Variants in MPLKIP observed in about 807,000 individuals in gnomAD.
MPLKIP encodes M-phase specific PLK1 interacting protein.
MPLKIP carries 16 observed loss-of-function variants against 16.9 expected under a neutral mutation model. The ratio of observed to expected loss-of-function variants is 0.94; its 90% confidence interval spans 0.64 to 1.43. The LOEUF is 1.43. Among genes scored for constraint, MPLKIP ranks in the 40% most tolerant of loss-of-function variants. The pLI is 0.00. For synonymous variants in MPLKIP, 126 were observed against 98.4 expected (o/e 1.28, Z -1.66); for missense variants, 282 against 237.6 (o/e 1.19, Z -1.23).
rs1787495697 is a variant in MPLKIP at position 40,133,238 on chromosome 7, G to A, written c.361C>T (p.Pro121Ser). ...TCTCTAACACGCCCTGATCCAAATG[G>A]TGTAGATGTCCTTGGAGAACCCTTT... is the stretch of plus-strand genomic sequence containing the variant. ...HPQGSPRTST[P>S]FGSGRVREKR... Residue 121 changes from proline (P) to serine (S), a missense_variant, in exon 2 of 2, where the codon CCA becomes TCA. Transcript: ENST00000306984. The A allele has an allele frequency of 6.2e-7, 1 of 1,613,090 alleles. No individual in the cohort carries two copies. Among genetic ancestry groups the A allele is most frequent in the African/African-American group, 1.3e-5 (1 of 74,836 alleles).
At position 40,131,350 on chromosome 7, in the gene MPLKIP, C is replaced by T. The variant is rs1283336021; in HGVS notation, c.*1709G>A. On this transcript the variant is annotated 3_prime_UTR_variant, in exon 2 of 2. Transcript: ENST00000306984. Reference sequence around the variant, plus strand: ...AATGTTGAAACAAAAGTTTTACTAGCTCTATCTTCGTATTTTGTAACTTCA... The same window carrying T: ...AATGTTGAAACAAAAGTTTTACTAGTTCTATCTTCGTATTTTGTAACTTCA... The T allele has an allele frequency of 1.3e-5, 2 of 152,072 alleles. No individual in the cohort carries two copies. Among genetic ancestry groups the T allele is most frequent in the African/African-American group, 4.8e-5 (2 of 41,350 alleles). 9.4% of individuals were successfully genotyped at this position (152,072 alleles called of 1,614,324 possible). A position where few individuals can be genotyped will look rare whatever the true frequency, so the allele number is the denominator to read the frequency against.
rs113464225 is a variant in MPLKIP, at chr7:40,134,403, C to T, written c.165G>A (p.Gly55=). The T allele has an allele frequency of 5.2e-5, 81 of 1,562,686 alleles. 1 individual carries two copies. The African/African-American group carries it at 6.5e-4, about 13-fold the overall frequency. Reference sequence around the variant, plus strand: ...TGCTCCCGTACGGCCTAGACCGGGGCCCGTACGGCGGCGTGTGGTGCGGAC... The same window carrying T: ...TGCTCCCGTACGGCCTAGACCGGGGTCCGTACGGCGGCGTGTGGTGCGGAC... ...YGSPHHTPPY[G]PRSRPYGSSH... Residue 55 remains glycine (G), a synonymous_variant, in exon 1 of 2, where the codon GGG becomes GGA. Transcript: ENST00000306984.
In MPLKIP at chr7:40,131,847, A is replaced by C. The variant is rs1215297659; in HGVS notation, c.*1212T>G. ...AGTGAGACCCTATTTCAAAAACAAA[A>C]CAAAACAAACAAAAAAAACAAAACA... is the stretch of plus-strand genomic sequence containing the variant. On this transcript the variant is annotated 3_prime_UTR_variant, in exon 2 of 2. Coordinates refer to ENST00000306984, the MANE Select transcript of MPLKIP (RefSeq NM_138701.4). The C allele has an allele frequency of 7.2e-6, 1 of 139,726 alleles. No individual in the cohort carries two copies. Among genetic ancestry groups the C allele is most frequent in the African/African-American group, 3.4e-5 (1 of 29,780 alleles). The allele number at this position is 139,726 out of a possible 1,614,324, so 8.7% of individuals were successfully genotyped here.
rs763151959 is a variant in MPLKIP at position 40,132,811 on chromosome 7, A to G, written c.*248T>C. ...AAAGACAAATGTCCATTATGTAACC[A>G]GGAATGTTAAATATATGGAAACGGT... On this transcript the variant is annotated 3_prime_UTR_variant, in exon 2 of 2. Coordinates refer to ENST00000306984, the MANE Select transcript of MPLKIP (RefSeq NM_138701.4). 7 of 513,492 alleles carry G rather than the reference A, an allele frequency of 1.4e-5. No homozygotes were observed. The highest frequency in any genetic ancestry group is 2.5e-5 in the Non-Finnish European group (7 of 285,394). The allele number at this position is 513,492 out of a possible 1,614,324, so 31.8% of individuals were successfully genotyped here.
intron 1 of MPLKIP, among the ~76,000 whole-genome samples, chr7:40,133,999 T>C (rs1487166968): frequency 1.3e-5 from 2 of 151,086 alleles, no homozygotes; most frequent in African/African-American, 2.4e-5. Flanking sequence ...GGTGGCAGTG[T>C]ATTGGTTAAA....
At chr7:40,133,749 C>T (rs1047102321) in intron 1 of MPLKIP, among the ~76,000 whole-genome samples, 7 of 152,068 alleles carry the variant, frequency 4.6e-5, no homozygotes, top group African/African-American at 1.4e-4. Context: ...TTGTAAACCA[C>T]AGAAATCCCA....
Position 40,130,580 on chromosome 7 carries a change from T to C in MPLKIP, c.*2479A>G, listed in dbSNP as rs1189432673. 6.6e-6 allele frequency: 1 copy of C among 152,212 alleles called. No homozygotes were observed. Among genetic ancestry groups the C allele is most frequent in the East Asian group, 1.9e-4 (1 of 5,200 alleles). 9.4% of individuals were successfully genotyped at this position (152,212 alleles called of 1,614,324 possible). On this transcript the variant is annotated 3_prime_UTR_variant, in exon 2 of 2. Transcript: ENST00000306984. Reference sequence around the variant, plus strand: ...CAGTTTGAATGTCTTCCAAATATGATATAAATACACTGGCACAAAATCCTA... The same window carrying C: ...CAGTTTGAATGTCTTCCAAATATGACATAAATACACTGGCACAAAATCCTA...
Position 40,129,887 on chromosome 7 carries a change from A to G in MPLKIP, c.*3172T>C, listed in dbSNP as rs56342000. ...TCGAGAAGGGTATGAGACTTTAAAT[A>G]TTGTTGGGGTCATTTCTGCAAAACA... On this transcript the variant is annotated 3_prime_UTR_variant, in exon 2 of 2. Coordinates refer to ENST00000306984, the MANE Select transcript of MPLKIP (RefSeq NM_138701.4). 41 of 152,248 alleles carry G rather than the reference A, an allele frequency of 2.7e-4. No homozygotes were observed. Among genetic ancestry groups the G allele is most frequent in the African/African-American group, 9.6e-4 (40 of 41,544 alleles). 9.4% of individuals were successfully genotyped at this position (152,248 alleles called of 1,614,324 possible). A position where few individuals can be genotyped will look rare whatever the true frequency, so the allele number is the denominator to read the frequency against.
rs1412314963 is a variant in MPLKIP, at chr7:40,128,794, T to C, written c.*4265A>G. ...AGCTGGGTGTGGTGGCACATGCCTG[T>C]AGTCCCAACTACTCGGGAGGCTGAG... On this transcript the variant is annotated 3_prime_UTR_variant, in exon 2 of 2. Coordinates refer to ENST00000306984, the MANE Select transcript of MPLKIP (RefSeq NM_138701.4). 4 of 151,908 alleles carry C rather than the reference T, an allele frequency of 2.6e-5. No homozygotes were observed. The highest frequency in any genetic ancestry group is 4.8e-5 in the African/African-American group (2 of 41,350). The allele number at this position is 151,908 out of a possible 1,614,324, so 9.4% of individuals were successfully genotyped here. A position where few individuals can be genotyped will look rare whatever the true frequency, so the allele number is the denominator to read the frequency against.
At position 40,128,270 on chromosome 7, in the gene MPLKIP, T is replaced by C. The variant is rs900889230; in HGVS notation, c.*4789A>G. Reference sequence around the variant, plus strand: ...TATTTACAGTAAAAACTACAACATATTTCTGTTAACTTAAACCTAAGTATA... The same window carrying C: ...TATTTACAGTAAAAACTACAACATACTTCTGTTAACTTAAACCTAAGTATA... On this transcript the variant is annotated 3_prime_UTR_variant, in exon 2 of 2. Transcript: ENST00000306984. 2.0e-5 allele frequency: 3 copies of C among 152,164 alleles called. No homozygotes were observed. The highest frequency in any genetic ancestry group is 2.9e-5 in the Non-Finnish European group (2 of 68,034). The allele number at this position is 152,164 out of a possible 1,614,324, so 9.4% of individuals were successfully genotyped here.
At position 40,130,016 on chromosome 7, in the gene MPLKIP, G is replaced by A. The variant is rs1787441428; in HGVS notation, c.*3043C>T. Reference sequence around the variant, plus strand: ...TCCCTTGATATGGATATGTTTTTATGTAGGTCAATTTTAATAAAGGATTTA... The same window carrying A: ...TCCCTTGATATGGATATGTTTTTATATAGGTCAATTTTAATAAAGGATTTA... On this transcript the variant is annotated 3_prime_UTR_variant, in exon 2 of 2. Coordinates refer to ENST00000306984, the MANE Select transcript of MPLKIP (RefSeq NM_138701.4). The A allele has an allele frequency of 6.6e-6, 1 of 152,162 alleles. No homozygotes were observed. The highest frequency in any genetic ancestry group is 2.4e-5 in the African/African-American group (1 of 41,430). 9.4% of individuals were successfully genotyped at this position (152,162 alleles called of 1,614,324 possible). A position where few individuals can be genotyped will look rare whatever the true frequency, so the allele number is the denominator to read the frequency against.
In MPLKIP at chr7:40,134,451, G is replaced by A. The variant is rs1441661682; in HGVS notation, c.117C>T (p.Pro39=). The change falls in exon 1 of 2, where the codon CCC becomes CCT. Residue 39 remains proline (P), a synonymous_variant. Transcript: ENST00000306984. Reference sequence around the variant, plus strand: ...GACTCCCGTACCCGTCTCGAGGGGAGGGCGGCCGTGGTCCGCCCCCGCCCG... The same window carrying A: ...GACTCCCGTACCCGTCTCGAGGGGAAGGCGGCCGTGGTCCGCCCCCGCCCG... ...GTPGGGGPRP[P]SPRDGYGSPH... The A allele has an allele frequency of 1.3e-6, 2 of 1,567,780 alleles. No individual in the cohort carries two copies. Among genetic ancestry groups the A allele is most frequent in the South Asian group, 2.3e-5 (2 of 86,048 alleles).
rs1324165741 is a variant in MPLKIP, at chr7:40,129,595, A to T, written c.*3464T>A. The T allele has an allele frequency of 6.6e-6, 1 of 151,988 alleles. No individual in the cohort carries two copies. Among genetic ancestry groups the T allele is most frequent in the Non-Finnish European group, 1.5e-5 (1 of 68,030 alleles). 9.4% of individuals were successfully genotyped at this position (151,988 alleles called of 1,614,324 possible). On this transcript the variant is annotated 3_prime_UTR_variant, in exon 2 of 2. Transcript: ENST00000306984. ...AACACCACACTTTACCCACAATGAA[A>T]ATAGATTAACTTCCATCATATTCTC...
rs1054477854 is a variant in MPLKIP at position 40,130,190 on chromosome 7, T to C, written c.*2869A>G. ...TTCCATCCTTTAAGCATATGAATTTTTAAGATGTATACTTAATTGTAAGTT... is the reference window on the plus strand; with the variant it reads ...TTCCATCCTTTAAGCATATGAATTTCTAAGATGTATACTTAATTGTAAGTT... On this transcript the variant is annotated 3_prime_UTR_variant, in exon 2 of 2. Transcript: ENST00000306984. 1.3e-5 allele frequency: 2 copies of C among 152,250 alleles called. No individual in the cohort carries two copies. The highest frequency in any genetic ancestry group is 4.8e-5 in the African/African-American group (2 of 41,470). 9.4% of individuals were successfully genotyped at this position (152,250 alleles called of 1,614,324 possible). A position where few individuals can be genotyped will look rare whatever the true frequency, so the allele number is the denominator to read the frequency against.
At chr7:40,133,460 CATTT>C (rs749149739) in intron 1 of MPLKIP, among the ~76,000 whole-genome samples, 9 of 152,148 alleles carry the variant, frequency 5.9e-5, no homozygotes, top group Admixed American at 1.3e-4. Flanking sequence ...TCGTTATTCT[CATTT>C]ATTTATAATT....
chr7:40,132,753 A>T lies in MPLKIP; in HGVS notation c.*306T>A, dbSNP rs1320526458. ...CAAAACCACAATAGCTAGAAGACAAAATGTTTTATTTTAAAACATTGAAAA... is the reference window on the plus strand; with the variant it reads ...CAAAACCACAATAGCTAGAAGACAATATGTTTTATTTTAAAACATTGAAAA... On this transcript the variant is annotated 3_prime_UTR_variant, in exon 2 of 2. Transcript: ENST00000306984. 2.6e-6 allele frequency: 1 copy of T among 381,936 alleles called. No homozygotes were observed. The highest frequency in any genetic ancestry group is 2.1e-5 in the African/African-American group (1 of 48,386). The allele number at this position is 381,936 out of a possible 1,614,324, so 23.7% of individuals were successfully genotyped here. A position where few individuals can be genotyped will look rare whatever the true frequency, so the allele number is the denominator to read the frequency against.
rs1787411742 is a variant in MPLKIP, at chr7:40,127,916, A to G, written c.*5143T>C. The G allele has an allele frequency of 6.6e-6, 1 of 152,108 alleles. No individual in the cohort carries two copies. The highest frequency in any genetic ancestry group is 1.5e-5 in the Non-Finnish European group (1 of 68,106). The allele number at this position is 152,108 out of a possible 1,614,324, so 9.4% of individuals were successfully genotyped here. A position where few individuals can be genotyped will look rare whatever the true frequency, so the allele number is the denominator to read the frequency against. On this transcript the variant is annotated 3_prime_UTR_variant, in exon 2 of 2. Coordinates refer to ENST00000306984, the MANE Select transcript of MPLKIP (RefSeq NM_138701.4). ...AAATTAGCCAGGCATGGTGGCTTGC[A>G]CCTGTAATCCCATCTACTCAGGAGG...
Position 40,130,054 on chromosome 7 carries a change from G to A in MPLKIP, c.*3005C>T, listed in dbSNP as rs1396261172. 1.3e-5 allele frequency: 2 copies of A among 152,106 alleles called. No individual in the cohort carries two copies. The highest frequency in any genetic ancestry group is 2.9e-5 in the Non-Finnish European group (2 of 68,006). 9.4% of individuals were successfully genotyped at this position (152,106 alleles called of 1,614,324 possible). On this transcript the variant is annotated 3_prime_UTR_variant, in exon 2 of 2. Transcript: ENST00000306984. ...AATAAAGGATTTACATGGGCACTGC[G>A]ATCTGAATTTGCATTCCCTTAAAGC...
Position 40,132,813 on chromosome 7 carries a change from G to A in MPLKIP, c.*246C>T, listed in dbSNP as rs1787480105. 1.9e-6 allele frequency: 1 copy of A among 513,844 alleles called. No individual in the cohort carries two copies. The highest frequency in any genetic ancestry group is 1.9e-5 in the African/African-American group (1 of 52,208). The allele number at this position is 513,844 out of a possible 1,614,324, so 31.8% of individuals were successfully genotyped here. On this transcript the variant is annotated 3_prime_UTR_variant, in exon 2 of 2. Transcript: ENST00000306984. The stretch of plus-strand genomic sequence containing the variant: ...AGACAAATGTCCATTATGTAACCAG[G>A]AATGTTAAATATATGGAAACGGTAA...
Sources: allele counts gnomAD v4.1 joint callset (sites outside exome capture counted in the v4.1 genomes callset), GRCh38; gene constraint gnomAD v4.1.1; transcripts MANE v1.5; gene names NCBI Gene and HGNC (gene_info 2026-07-23, HGNC 2026-07-21).